Variants in SYCP1 observed in about 807,000 individuals in gnomAD.
SYCP1 encodes synaptonemal complex protein 1.
Under a neutral mutation model 153.1 loss-of-function variants are expected in SYCP1, and 64 were observed. The ratio of observed to expected loss-of-function variants is 0.42; its 90% CI spans 0.34 to 0.51. The LOEUF is 0.51. Among genes scored for constraint, SYCP1 ranks in the 20% least tolerant of loss-of-function variants. The pLI is 0.06. For missense variants in SYCP1, 997 were observed against 1,049.0 expected, an observed-to-expected ratio of 0.95 and a Z score of 0.68; for synonymous variants, 384 against 341.8, an observed-to-expected ratio of 1.12 and a Z score of -1.36.
chr1:114,860,603 A>G lies in SYCP1; in HGVS notation c.525-133A>G, dbSNP rs908845501. The G allele has an allele frequency of 1.0e-5, 6 of 575,468 alleles. No individual in the cohort carries two copies. In the African/African-American group the frequency reaches 1.2e-4, roughly 11 times the overall value. The allele number at this position is 575,468 out of a possible 1,614,324, so 35.6% of individuals were successfully genotyped here. A position where few individuals can be genotyped will look rare whatever the true frequency, so the allele number is the denominator to read the frequency against. On this transcript the variant is annotated intron_variant, in intron 7 of 31. Transcript: ENST00000369522. ...TTCTTCATATAGTCATTTATGAATA[A>G]TGTGATGTATGCCAAAGATTATAAT... is the stretch of plus-strand genomic sequence containing the variant.
chr1:114,888,065 T>C (rs1381764428), intron 15 of SYCP1, among the ~76,000 whole-genome samples: 1 of 152,110 alleles, frequency 6.6e-6, no homozygotes, highest in Non-Finnish European at 1.5e-5. Context: ...CATTGCTTTG[T>C]CATGTTACAT....
rs183536935 is a variant in SYCP1, at chr1:114,907,730, C to T, written c.1321-2667C>T. On this transcript the variant is annotated intron_variant, in intron 16 of 31. Coordinates refer to ENST00000369522, the MANE Select transcript of SYCP1 (RefSeq NM_003176.4). ...CCGAGTAGCTGGGACTACAGGCGCC[C>T]GCCATGACGCCTGGCTAATTTTTTG... 6.4e-4 allele frequency among the ~76,000 whole-genome samples: 97 copies of T among 151,998 alleles called. 1 individual carries two copies. Among genetic ancestry groups the T allele is most frequent in the Admixed American group, 5.5e-3 (84 of 15,264 alleles).
chr1:114,961,481 T>A (rs1419130479), intron 27 of SYCP1, among the ~76,000 whole-genome samples: 2 of 152,240 alleles, frequency 1.3e-5, no homozygotes, highest in Admixed American at 1.3e-4. Flanking sequence ...CATTTAATGC[T>A]ATGAACTTTC....
chr1:114,881,916 A>T (rs1665976489), intron 12 of SYCP1, among the ~76,000 whole-genome samples: 1 of 152,144 alleles, frequency 6.6e-6, no homozygotes, highest in Non-Finnish European at 1.5e-5. Flanking sequence ...TCATACGCTT[A>T]GTTTTGTTTA....
chr1:114,899,793 T>A (rs1667297589), intron 16 of SYCP1, among the ~76,000 whole-genome samples: 1 of 152,160 alleles, frequency 6.6e-6, no homozygotes, highest in Admixed American at 6.5e-5. Flanking sequence ...ATTTTGGCAA[T>A]CCTATGTAAG....
intron 30 of SYCP1, among the ~76,000 whole-genome samples, chr1:114,989,923 C>G (rs2101981487): frequency 6.6e-6 from 1 of 151,890 alleles, no homozygotes; most frequent in South Asian, 2.1e-4. Flanking sequence ...CTTCAGTAAC[C>G]CACTTTCAAT....
intron 8 of SYCP1, among the ~76,000 whole-genome samples, chr1:114,868,284 G>C (rs551083931): frequency 6.6e-6 from 1 of 151,922 alleles, no homozygotes; most frequent in Non-Finnish European, 1.5e-5. Context: ...GACTATAGGT[G>C]TGTGCCACTG....
intron 27 of SYCP1, among the ~76,000 whole-genome samples, chr1:114,975,891 A>G (rs1672766226): frequency 6.6e-6 from 1 of 151,810 alleles, no homozygotes; most frequent in African/African-American, 2.4e-5. Flanking sequence ...TGGTCAGAAC[A>G]AACATGGGGA....
intron 25 of SYCP1, 146 bp from the exon 26 acceptor site, chr1:114,946,143 A>T (rs1164813306): frequency 3.9e-6 from 1 of 255,456 alleles, no homozygotes; most frequent in Non-Finnish European, 7.4e-6. Context: ...CATATATATT[A>T]CTGAATTTAT....
intron 30 of SYCP1, among the ~76,000 whole-genome samples, chr1:114,989,507 C>A (rs1404223304): frequency 6.6e-6 from 1 of 151,906 alleles, no homozygotes; most frequent in Non-Finnish European, 1.5e-5. Flanking sequence ...CTATGTCCTT[C>A]CTTATAGATC....
intron 9 of SYCP1, 45 bp downstream of exon 9, chr1:114,874,609 G>A: frequency 1.7e-6 from 2 of 1,157,234 alleles, no homozygotes; most frequent in Non-Finnish European, 2.5e-6. Flanking sequence ...AGGAATTTCT[G>A]AGCAAATTAG....
intron 30 of SYCP1, among the ~76,000 whole-genome samples, chr1:114,987,648 G>C (rs1236357844): frequency 6.6e-6 from 1 of 152,044 alleles, no homozygotes; most frequent in East Asian, 1.9e-4. Flanking sequence ...CTAGGTGACA[G>C]AGTGAGACCT....
chr1:114,922,524 G>A (rs1668962652), intron 20 of SYCP1, among the ~76,000 whole-genome samples: 1 of 151,992 alleles, frequency 6.6e-6, no homozygotes, highest in Non-Finnish European at 1.5e-5. Context: ...TGGTGGGGAG[G>A]ACACACTTTT....
At position 114,980,290 on chromosome 1, in the gene SYCP1, T is replaced by A. The variant is rs1340974370; in HGVS notation, c.2383-1046T>A. Among the ~76,000 whole-genome samples the A allele has an allele frequency of 2.6e-5, 4 of 151,874 alleles. No individual in the cohort carries two copies. The East Asian group carries it at 7.7e-4, about 29-fold the overall frequency. On this transcript the variant is annotated intron_variant, in intron 28 of 31. Transcript: ENST00000369522. The stretch of plus-strand genomic sequence containing the variant: ...TAGAAAGTGATGAGCATGAGTTTCA[T>A]GTAGAATCCCACTAAAGCAACTATT...
chr1:114,859,325 G>A (rs1664222148), intron 6 of SYCP1, among the ~76,000 whole-genome samples: 1 of 152,114 alleles, frequency 6.6e-6, no homozygotes, highest in South Asian at 2.1e-4. Flanking sequence ...TAGACCTCGT[G>A]ACCCACCTGC....
intron 27 of SYCP1, among the ~76,000 whole-genome samples, chr1:114,947,945 A>G (rs1416178269): frequency 6.7e-6 from 1 of 150,306 alleles, no homozygotes; most frequent in Non-Finnish European, 1.5e-5. Flanking sequence ...TTTAGGGTAC[A>G]TGTGCACAAC....
At chr1:114,935,829 A>G (rs1669960370) in intron 23 of SYCP1, among the ~76,000 whole-genome samples, 1 of 152,220 alleles carries the variant, frequency 6.6e-6, no homozygotes, top group Non-Finnish European at 1.5e-5. Context: ...TCCTGGATAC[A>G]TACACCCTCC....
At position 114,860,725 on chromosome 1, in the gene SYCP1, C is replaced by T; in HGVS notation, c.525-11C>T. 1 of 1,585,948 alleles carries T rather than the reference C, an allele frequency of 6.3e-7. No individual in the cohort carries two copies. The highest frequency in any genetic ancestry group is 8.6e-7 in the Non-Finnish European group (1 of 1,168,462). On this transcript the variant is annotated splice_polypyrimidine_tract_variant and intron_variant, in intron 7 of 31. Coordinates refer to ENST00000369522, the MANE Select transcript of SYCP1 (RefSeq NM_003176.4). ...AGATTACACACAGGCAAACTCTTTC[C>T]TTTGTTTCAGGAATAATGCCACAAG... is the stretch of plus-strand genomic sequence containing the variant.
At position 114,855,582 on chromosome 1, in the gene SYCP1, C is replaced by T. The variant is rs1663880461; in HGVS notation, c.108+10C>T. ...TTCCACTTTCTTCAAGGTAAATTTCCATGTGACTCTTAATTGGACTCTTCT... is the reference window on the plus strand; with the variant it reads ...TTCCACTTTCTTCAAGGTAAATTTCTATGTGACTCTTAATTGGACTCTTCT... On this transcript the variant is annotated intron_variant, in intron 2 of 31. Transcript: ENST00000369522. The T allele has an allele frequency of 6.3e-7, 1 of 1,592,472 alleles. No individual in the cohort carries two copies. Among genetic ancestry groups the T allele is most frequent in the East Asian group, 2.2e-5 (1 of 44,448 alleles).
Sources: allele counts gnomAD v4.1 joint callset (sites outside exome capture counted in the v4.1 genomes callset), GRCh38; gene constraint gnomAD v4.1.1; transcripts MANE v1.5; gene names NCBI Gene and HGNC (gene_info 2026-07-23, HGNC 2026-07-21).